Variants in KCNH8 observed in about 807,000 individuals in gnomAD.
KCNH8 encodes potassium voltage-gated channel subfamily H member 8.
KCNH8 carries 70 observed loss-of-function variants against 103.6 expected under a neutral mutation model. The ratio of observed to expected loss-of-function variants is 0.68; its 90% CI spans 0.56 to 0.82. The LOEUF is 0.82. Ranked by LOEUF, KCNH8 falls within the 40% of genes least tolerant of loss-of-function variation. KCNH8 has a pLI of 0.00. For synonymous variants in KCNH8, 498 were observed against 489.4 expected (o/e 1.02, Z -0.23); for missense variants, 1,217 against 1,329.9 (o/e 0.92, Z 1.32).
intron 1 of KCNH8, among the ~76,000 whole-genome samples, chr3:19,186,594 C>T (rs569787226): frequency 2.0e-5 from 3 of 151,660 alleles, no homozygotes; most frequent in Non-Finnish European, 2.9e-5. Flanking sequence ...TTCTTTGTTT[C>T]GTTGAGGGAT....
chr3:19,505,132 G>C (rs2068667775), intron 11 of KCNH8, among the ~76,000 whole-genome samples: 1 of 151,636 alleles, frequency 6.6e-6, no homozygotes, highest in Non-Finnish European at 1.5e-5. Flanking sequence ...CTGTAAAAGA[G>C]AATGAGATCA....
At chr3:19,426,612 T>C (rs1214183156) in intron 7 of KCNH8, among the ~76,000 whole-genome samples, 1 of 151,340 alleles carries the variant, frequency 6.6e-6, no homozygotes, top group Non-Finnish European at 1.5e-5. Flanking sequence ...AGGTGTCATT[T>C]GACTGAATGT....
At chr3:19,305,693 A>T (rs2065121152) in intron 3 of KCNH8, among the ~76,000 whole-genome samples, 1 of 152,140 alleles carries the variant, frequency 6.6e-6, no homozygotes, top group Non-Finnish European at 1.5e-5. Flanking sequence ...AACAAAGCAA[A>T]CTAAAAAAAT....
At chr3:19,495,673 C>G (rs1267025998) in intron 11 of KCNH8, among the ~76,000 whole-genome samples, 1 of 151,938 alleles carries the variant, frequency 6.6e-6, no homozygotes, top group Non-Finnish European at 1.5e-5. Flanking sequence ...TTAGGATTGC[C>G]TTTGCTATTC....
intron 1 of KCNH8, among the ~76,000 whole-genome samples, chr3:19,160,698 T>G (rs1279733369): frequency 6.6e-6 from 1 of 152,114 alleles, no homozygotes; most frequent in African/African-American, 2.4e-5. Context: ...AGATTTCAAT[T>G]GCACACCCTT....
At position 19,308,745 on chromosome 3, in the gene KCNH8, CCTCT is replaced by C. The variant is rs57036786; in HGVS notation, c.442+27420_442+27423del. Among the ~76,000 whole-genome samples, 110 of 35,928 alleles carry C rather than the reference CCTCT, an allele frequency of 3.1e-3. 16 individuals are homozygous for C. The highest frequency in any genetic ancestry group is 3.8e-3 in the East Asian group (4 of 1,056). The allele number at this position is 35,928 out of a possible 152,430, so 23.6% of individuals were successfully genotyped here. Reference sequence around the variant, plus strand: ...CCCTCTCTCCCTCTCTCCCTCTCTCCCTCTCTCCCTCTCTCCCTCTCTCCCTCCC... The same window carrying C: ...CCCTCTCTCCCTCTCTCCCTCTCTCCCTCCCTCTCTCCCTCTCTCCCTCCC... On this transcript the variant is annotated intron_variant, in intron 3 of 15. Transcript: ENST00000328405.
At chr3:19,223,971 A>G (rs1254569470) in intron 1 of KCNH8, among the ~76,000 whole-genome samples, 3 of 152,154 alleles carry the variant, frequency 2.0e-5, no homozygotes, top group Non-Finnish European at 4.4e-5. Flanking sequence ...TTGAAATCAT[A>G]TTTGGTATGT....
intron 1 of KCNH8, among the ~76,000 whole-genome samples, chr3:19,240,638 T>A: frequency 6.6e-6 from 1 of 150,680 alleles, no homozygotes; most frequent in Admixed American, 6.6e-5. Flanking sequence ...CAAAAAAAAC[T>A]TCGGAATCTA....
At chr3:19,306,359 A>G (rs1317950537) in intron 3 of KCNH8, among the ~76,000 whole-genome samples, 3 of 152,232 alleles carry the variant, frequency 2.0e-5, no homozygotes, top group South Asian at 4.1e-4. Flanking sequence ...TTAGGAAAAA[A>G]CAACCTATTA....
intron 2 of KCNH8, among the ~76,000 whole-genome samples, chr3:19,266,482 T>C (rs574610339): frequency 6.6e-6 from 1 of 152,260 alleles, no homozygotes; most frequent in Admixed American, 6.5e-5. Flanking sequence ...GGCTTTCAAC[T>C]ATGACCTTCT....
At chr3:19,408,860 T>C (rs2066733689) in intron 7 of KCNH8, among the ~76,000 whole-genome samples, 2 of 152,078 alleles carry the variant, frequency 1.3e-5, no homozygotes, top group Admixed American at 6.6e-5. Flanking sequence ...TTGAGAAATA[T>C]GAGCTTATGT....
At chr3:19,487,905 G>T (rs2068243112) in intron 11 of KCNH8, among the ~76,000 whole-genome samples, 1 of 152,164 alleles carries the variant, frequency 6.6e-6, no homozygotes, top group African/African-American at 2.4e-5. Flanking sequence ...CAGAAAGCCT[G>T]CTTAGTGGAA....
At chr3:19,256,169 G>C (rs1039350184) in intron 2 of KCNH8, among the ~76,000 whole-genome samples, 1 of 152,088 alleles carries the variant, frequency 6.6e-6, no homozygotes, top group Non-Finnish European at 1.5e-5. Context: ...TTGAGGTATT[G>C]AGATCAATGT....
intron 11 of KCNH8, among the ~76,000 whole-genome samples, chr3:19,491,214 T>A (rs764447360): frequency 1.3e-5 from 2 of 152,120 alleles, no homozygotes; most frequent in African/African-American, 4.8e-5. Context: ...TTTAAAAAAA[T>A]GTTCAGCCTT....
At chr3:19,210,102 TC>T (rs1174980910) in intron 1 of KCNH8, among the ~76,000 whole-genome samples, 2 of 152,060 alleles carry the variant, frequency 1.3e-5, no homozygotes, top group Non-Finnish European at 2.9e-5. Flanking sequence ...CAAGATCTCT[TC>T]CCATTCTAAT....
chr3:19,209,876 T>C (rs542870791), intron 1 of KCNH8, among the ~76,000 whole-genome samples: 3 of 151,956 alleles, frequency 2.0e-5, no homozygotes, highest in Non-Finnish European at 4.4e-5. Context: ...CCTTCCTCAG[T>C]GTAATGTGTA....
At chr3:19,515,623 C>T (rs1457137852) in intron 14 of KCNH8, among the ~76,000 whole-genome samples, 195 bp downstream of exon 14, 1 of 151,638 alleles carries the variant, frequency 6.6e-6, no homozygotes, top group Non-Finnish European at 1.5e-5. Context: ...GTGATCATTT[C>T]TCTGTCCAGA....
chr3:19,267,051 G>A (rs1182376254), intron 2 of KCNH8, among the ~76,000 whole-genome samples: 1 of 152,062 alleles, frequency 6.6e-6, no homozygotes, highest in African/African-American at 2.4e-5. Flanking sequence ...CATGTGGACT[G>A]GGGTCTGAAG....
At chr3:19,264,748 C>T (rs983796735) in intron 2 of KCNH8, among the ~76,000 whole-genome samples, 2 of 152,110 alleles carry the variant, frequency 1.3e-5, no homozygotes, top group African/African-American at 4.8e-5. Context: ...GTGGGCCAAG[C>T]TCTGTGCTCT....
Sources: gnomAD v4.1 joint callset for allele counts (sites outside exome capture counted in the v4.1 genomes callset) on GRCh38, gnomAD v4.1.1 for gene constraint, MANE v1.5 for transcripts, NCBI Gene and HGNC (gene_info 2026-07-23, HGNC 2026-07-21) for gene names.